The following NRG3 variants were observed in gnomAD, a reference collection of about 807,000 sequenced individuals.
NRG3 encodes the protein neuregulin 3, also known as pro-neuregulin-3, membrane-bound isoform.
In NRG3, 31 loss-of-function variants were observed where a neutral mutation model predicts 66.9. The observed-to-expected ratio is 0.46, with a 90% CI of 0.35 to 0.63. NRG3 has a LOEUF of 0.63. Ranked by LOEUF, NRG3 falls within the 20% of genes least tolerant of loss-of-function variation. The probability of loss-of-function intolerance (pLI) is 0.00; values close to 1 mark genes in which losing one functional copy is unlikely to be tolerated. For missense variants in NRG3, 910 were observed against 878.9 expected (o/e 1.04, Z -0.45); for synonymous variants, 393 against 359.4 (o/e 1.09, Z -1.06).
At chr10:82,911,425 C>A (rs907806836) in intron 4 of NRG3, among the ~76,000 whole-genome samples, 5 of 151,954 alleles carry the variant, frequency 3.3e-5, no homozygotes, top group Admixed American at 6.6e-5. Flanking sequence ...TAATTTAATT[C>A]TTTTAATAAA....
At chr10:82,951,402 A>G in intron 4 of NRG3, 67 bp from the exon 5 acceptor site, 1 of 1,266,558 alleles carries the variant, frequency 7.9e-7, no homozygotes, top group Non-Finnish European at 1.2e-6. Context: ...TCAGAAGTAC[A>G]TGGATGAAGA....
chr10:82,359,725 T>C (rs2084003442), intron 2 of NRG3, among the ~76,000 whole-genome samples: 1 of 152,106 alleles, frequency 6.6e-6, no homozygotes, highest in Non-Finnish European at 1.5e-5. Context: ...CCTTTTCTTC[T>C]CTTTATTTAC....
intron 3 of NRG3, among the ~76,000 whole-genome samples, chr10:82,762,581 T>C (rs2059371918): frequency 6.6e-6 from 1 of 152,224 alleles, no homozygotes; most frequent in African/African-American, 2.4e-5. Flanking sequence ...AAATCAGTTC[T>C]TCCGTATACA....
chr10:82,659,368 A>T (rs1183968333), intron 2 of NRG3, among the ~76,000 whole-genome samples: 1 of 152,200 alleles, frequency 6.6e-6, no homozygotes, highest in Non-Finnish European at 1.5e-5. Context: ...ACACATTAAA[A>T]TATTCTAGGC....
rs573946358 is a variant in NRG3, at chr10:82,048,398, T to G, written c.823+172235T>G. Among the ~76,000 whole-genome samples, 326 of 152,044 alleles carry G rather than the reference T, an allele frequency of 2.1e-3. 1 individual carries two copies. The highest frequency in any genetic ancestry group is 7.4e-3 in the African/African-American group (307 of 41,468). ...AAAGAACAGAAATTATAACAAACTG[T>G]CTCTCAGACCACAGTGCAATCAAAC... On this transcript the variant is annotated intron_variant, in intron 1 of 8. Coordinates refer to ENST00000372141, the MANE Select transcript of NRG3 (RefSeq NM_001010848.4).
Position 82,985,190 on chromosome 10 carries a change from A to C in NRG3, c.1676A>C (p.Glu559Ala). ...RETNPYFNSL[E>A]QKDLVGYSST... ...ACAAACCCCTATTTTAATAGCTTGG[A>C]GCAAAAGGACCTGGTGGGCTATTCA... Residue 559 changes from glutamate to alanine, a missense_variant, in exon 9 of 9, where the codon GAG (glutamate) becomes GCG (alanine). Transcript: ENST00000372141. The C allele has an allele frequency of 6.2e-7, 1 of 1,614,158 alleles. No individual in the cohort carries two copies. The highest frequency in any genetic ancestry group is 2.2e-5 in the East Asian group (1 of 44,872).
intron 1 of NRG3, among the ~76,000 whole-genome samples, chr10:82,311,584 G>T (rs2081029930): frequency 6.6e-6 from 1 of 152,212 alleles, no homozygotes; most frequent in Non-Finnish European, 1.5e-5. Context: ...AAATCTGGAA[G>T]ATAGGAATGT....
chr10:82,207,876 G>C (rs2075201792), intron 1 of NRG3, among the ~76,000 whole-genome samples: 1 of 152,142 alleles, frequency 6.6e-6, no homozygotes, highest in Non-Finnish European at 1.5e-5. Context: ...TGTCTCCCTT[G>C]ACAGTGGGGA....
At position 81,900,218 on chromosome 10, in the gene NRG3, GATT is replaced by G. The variant is rs1230010839; in HGVS notation, c.823+24057_823+24059del. Among the ~76,000 whole-genome samples the G allele has an allele frequency of 6.9e-3, 1,036 of 149,306 alleles. 6 individuals carry two copies. The highest frequency in any genetic ancestry group is 0.017 in the African/African-American group (669 of 39,062). ...CCCGCCTTGGCCTCCCAAAGTGTGG[GATT>G]ACAGGCATGAGCCAATGCGCCTGGC... On this transcript the variant is annotated intron_variant, in intron 1 of 8. Transcript: ENST00000372141.
intron 2 of NRG3, among the ~76,000 whole-genome samples, chr10:82,582,453 C>T (rs1021574966): frequency 3.9e-5 from 6 of 152,088 alleles, no homozygotes; most frequent in African/African-American, 1.4e-4. Flanking sequence ...GTATGGCTCC[C>T]TTCTTGCACT....
chr10:82,541,007 G>A (rs577027292), intron 2 of NRG3, among the ~76,000 whole-genome samples: 192 of 152,142 alleles, frequency 1.3e-3, no homozygotes, highest in African/African-American at 3.8e-3. Flanking sequence ...GAGAGATGGC[G>A]GGTACACATG....
chr10:82,679,302 T>TATGTCA, intron 2 of NRG3, among the ~76,000 whole-genome samples: 1 of 152,340 alleles, frequency 6.6e-6, no homozygotes, highest in East Asian at 1.9e-4. Flanking sequence ...TAGCAGGTGG[T>TATGTCA]ATGTCACGTT....
chr10:82,138,785 GT>G (rs964336400), intron 1 of NRG3, among the ~76,000 whole-genome samples: 5 of 152,128 alleles, frequency 3.3e-5, no homozygotes, highest in African/African-American at 1.2e-4. Context: ...AGGACTTGGA[GT>G]CTAATGTTCA....
intron 2 of NRG3, among the ~76,000 whole-genome samples, chr10:82,429,780 C>T (rs1489560886): frequency 2.0e-5 from 3 of 152,088 alleles, no homozygotes; most frequent in African/African-American, 2.4e-5. Context: ...CATAGTGTCC[C>T]GTACGTCTCT....
intron 3 of NRG3, among the ~76,000 whole-genome samples, chr10:82,797,308 G>A (rs924531520): frequency 2.0e-5 from 3 of 152,088 alleles, no homozygotes; most frequent in South Asian, 2.1e-4. Context: ...TTGGCCCAGT[G>A]GCTGCAACAA....
At chr10:82,168,700 A>G (rs1419476158) in intron 1 of NRG3, among the ~76,000 whole-genome samples, 1 of 152,148 alleles carries the variant, frequency 6.6e-6, no homozygotes, top group Non-Finnish European at 1.5e-5. Flanking sequence ...TAATTAACCC[A>G]GCAGTGTGGA....
At chr10:82,229,784 A>AT in intron 1 of NRG3, among the ~76,000 whole-genome samples, 1 of 152,314 alleles carries the variant, frequency 6.6e-6, no homozygotes, top group East Asian at 1.9e-4. Flanking sequence ...TCAAGTTGAG[A>AT]TTTTAGTTGA....
intron 2 of NRG3, among the ~76,000 whole-genome samples, chr10:82,513,015 A>G (rs1845335538): frequency 6.6e-6 from 1 of 152,088 alleles, no homozygotes; most frequent in Admixed American, 6.5e-5. Context: ...ACATAGGTAA[A>G]TGTGTGCCAT....
At chr10:82,029,109 T>A (rs2062450488) in intron 1 of NRG3, among the ~76,000 whole-genome samples, 1 of 152,028 alleles carries the variant, frequency 6.6e-6, no homozygotes, top group Non-Finnish European at 1.5e-5. Flanking sequence ...CTCGGGAGGC[T>A]GAGGCAGGAG....
Sources: gnomAD v4.1 joint callset for allele counts (sites outside exome capture counted in the v4.1 genomes callset) on GRCh38, gnomAD v4.1.1 for gene constraint, MANE v1.5 for transcripts, NCBI Gene and HGNC (gene_info 2026-07-23, HGNC 2026-07-21) for gene names.